The following TMPRSS9 variants were observed in gnomAD, a reference collection of about 807,000 sequenced individuals.
TMPRSS9 encodes the protein transmembrane protease serine 9.
Under a neutral mutation model 111.4 loss-of-function variants are expected in TMPRSS9, and 113 were observed. The observed-to-expected ratio is 1.01, with a 90% CI of 0.87 to 1.19. TMPRSS9 has a LOEUF of 1.19. TMPRSS9 is among the 50% of genes most tolerant of loss of function. The pLI is 0.00. For synonymous variants in TMPRSS9, 805 were observed against 659.1 expected (o/e 1.22, Z -3.39); for missense variants, 1,803 against 1,513.1 (o/e 1.19, Z -3.18).
At chr19:2,379,648 T>TCTTTCTTTCTTTCTTTCTTC (rs1568170820) in intron 1 of TMPRSS9, among the ~76,000 whole-genome samples, 2 of 149,360 alleles carry the variant, frequency 1.3e-5, no homozygotes, top group Non-Finnish European at 3.0e-5. Flanking sequence ...TTTCTTTCTT[T>TCTTTCTTTCTTTCTTTCTTC]CTTTCTTTCT....
chr19:2,425,137 G>T (rs2145427901), exon 16 of TMPRSS9: 1 of 1,580,380 alleles, frequency 6.3e-7, no homozygotes, highest in South Asian at 1.1e-5. Flanking sequence ...ACGACGTGGC[G>T]CTGCTGGAGC....
chr19:2,373,616 C>T lies in TMPRSS9; in HGVS notation c.-26+13256C>T, dbSNP rs144902067. Among the ~76,000 whole-genome samples the T allele has an allele frequency of 3.0e-3, 453 of 151,416 alleles. 7 individuals carry two copies. Among genetic ancestry groups the T allele is most frequent in the African/African-American group, 0.01 (430 of 41,412 alleles). ...CTGACCTCAGGTGATCCACCCACCT[C>T]GGCCTCCCAAAGTGCTGGGATTACA... On this transcript the variant is annotated intron_variant, in intron 1 of 17. Coordinates refer to the TMPRSS9 transcript ENST00000649857.
chr19:2,378,600 C>A (rs1376722771), intron 1 of TMPRSS9, among the ~76,000 whole-genome samples: 3 of 152,158 alleles, frequency 2.0e-5, no homozygotes, highest in Admixed American at 2.0e-4. Context: ...CACCTGTAGT[C>A]CCAGCTACTT....
chr19:2,385,021 C>A (rs1339221388), upstream of TMPRSS9, among the ~76,000 whole-genome samples: 2 of 150,486 alleles, frequency 1.3e-5, no homozygotes, highest in Non-Finnish European at 3.0e-5. Flanking sequence ...GGCGCGGTGG[C>A]CTACACCTGT....
chr19:2,386,297 A>C (rs1262125614), upstream of TMPRSS9, among the ~76,000 whole-genome samples: 1 of 151,706 alleles, frequency 6.6e-6, no homozygotes, highest in Admixed American at 6.6e-5. Flanking sequence ...CGAGATCAGG[A>C]GATTGAGACC....
chr19:2,385,203 A>G (rs550606979), upstream of TMPRSS9, among the ~76,000 whole-genome samples: 10 of 19,016 alleles, frequency 5.3e-4, no homozygotes, highest in African/African-American at 7.3e-4. Flanking sequence ...GCGGGGCTCG[A>G]GGGGGCGGGG....
At chr19:2,387,104 C>T (rs1024381494), upstream of TMPRSS9, among the ~76,000 whole-genome samples, 1 of 152,134 alleles carries the variant, frequency 6.6e-6, no homozygotes, top group African/African-American at 2.4e-5. Flanking sequence ...CGCCTGTAAT[C>T]CCAGCACTTT....
chr19:2,383,018 C>T (rs1181262714), intron 1 of TMPRSS9, among the ~76,000 whole-genome samples: 2 of 152,134 alleles, frequency 1.3e-5, no homozygotes, highest in Non-Finnish European at 2.9e-5. Context: ...AGGCCCACCA[C>T]ATTATGGAGG....
At chr19:2,383,437 A>C (rs1462352635) in intron 1 of TMPRSS9, among the ~76,000 whole-genome samples, 1 of 151,624 alleles carries the variant, frequency 6.6e-6, no homozygotes, top group Non-Finnish European at 1.5e-5. Context: ...AGATGGCTTG[A>C]AGCCAGTAGT....
At chr19:2,365,623 A>C (rs905567813) in intron 1 of TMPRSS9, among the ~76,000 whole-genome samples, 2 of 151,218 alleles carry the variant, frequency 1.3e-5, no homozygotes, top group Non-Finnish European at 2.9e-5. Flanking sequence ...CAAACAAACA[A>C]AAAAAACAAA....
intron 1 of TMPRSS9, among the ~76,000 whole-genome samples, chr19:2,390,512 G>A (rs1013629346): frequency 6.7e-6 from 1 of 149,184 alleles, no homozygotes; most frequent in African/African-American, 2.4e-5. Context: ...CAAAGTGCTG[G>A]GATTACAGGC....
At chr19:2,407,131 T>C (rs1475480034) in intron 7 of TMPRSS9, among the ~76,000 whole-genome samples, 3 of 152,052 alleles carry the variant, frequency 2.0e-5, no homozygotes, top group African/African-American at 7.2e-5. Flanking sequence ...CTGAGATTTT[T>C]GGCAACTCTT....
rs1970769505 is a variant in TMPRSS9, at chr19:2,399,001, C to T, written c.339-17C>T. On this transcript the variant is annotated splice_polypyrimidine_tract_variant and intron_variant, in intron 3 of 17. Coordinates refer to ENST00000648592, the Ensembl canonical transcript of TMPRSS9. ...GGAGCCCCTCCCTCTCCAAGGGCCT[C>T]TCCTCCATACCTGTAGGGATGGGAA... is the stretch of plus-strand genomic sequence containing the variant. 2 of 1,606,534 alleles carry T rather than the reference C, an allele frequency of 1.2e-6. No homozygotes were observed. Among genetic ancestry groups the T allele is most frequent in the Non-Finnish European group, 1.7e-6 (2 of 1,178,818 alleles).
chr19:2,393,145 G>C (rs1054206467), intron 1 of TMPRSS9, among the ~76,000 whole-genome samples: 1 of 152,174 alleles, frequency 6.6e-6, no homozygotes. Flanking sequence ...GCTGGAGCCA[G>C]CAGCGGCAAC....
chr19:2,383,704 T>C (rs1222265305), intron 1 of TMPRSS9, among the ~76,000 whole-genome samples: 2 of 131,004 alleles, frequency 1.5e-5, no homozygotes, highest in Non-Finnish European at 3.3e-5. Flanking sequence ...CTCTGGAGGC[T>C]GAGGTGGGAG....
chr19:2,389,944 T>C lies in TMPRSS9; in HGVS notation c.142+17T>C, dbSNP rs780624932. 2.5e-6 allele frequency: 4 copies of C among 1,598,522 alleles called. No homozygotes were observed. The highest frequency in any genetic ancestry group is 2.3e-5 in the East Asian group (1 of 44,442). The stretch of plus-strand genomic sequence containing the variant: ...TCCTTTTGGGTAAGTGGCTATGGGA[T>C]TGGCTGGGTTCGCAATACAAGGGAC... On this transcript the variant is annotated intron_variant, in intron 1 of 17. Transcript: ENST00000648592.
At chr19:2,415,198 G>A (rs974635751) in intron 10 of TMPRSS9, among the ~76,000 whole-genome samples, 1 of 152,024 alleles carries the variant, frequency 6.6e-6, no homozygotes, top group Admixed American at 6.6e-5. Context: ...GCCCGCCTTG[G>A]CCTCCCAAAG....
In TMPRSS9 at chr19:2,372,099, C is replaced by T. The variant is rs555136224; in HGVS notation, c.-26+11739C>T. 5.3e-5 allele frequency among the ~76,000 whole-genome samples: 8 copies of T among 152,252 alleles called. No individual in the cohort carries two copies. The East Asian group carries it at 5.8e-4, about 11-fold the overall frequency. On this transcript the variant is annotated intron_variant, in intron 1 of 17. Coordinates refer to the TMPRSS9 transcript ENST00000649857. Reference sequence around the variant, plus strand: ...CTCAAACTCTTGACCTCAAGTGATCCGCCTGCCTTGACCTCCCAAAGTCTG... The same window carrying T: ...CTCAAACTCTTGACCTCAAGTGATCTGCCTGCCTTGACCTCCCAAAGTCTG...
At chr19:2,392,510 C>T (rs1167730417) in intron 1 of TMPRSS9, among the ~76,000 whole-genome samples, 1 of 152,222 alleles carries the variant, frequency 6.6e-6, no homozygotes, top group African/African-American at 2.4e-5. Context: ...AGTTCCAGTT[C>T]AGCCTGGTAA....
Sources: gnomAD v4.1 joint callset for allele counts (sites outside exome capture counted in the v4.1 genomes callset) on GRCh38, gnomAD v4.1.1 for gene constraint, MANE v1.5 for transcripts, NCBI Gene and HGNC (gene_info 2026-07-23, HGNC 2026-07-21) for gene names.